Variants in DUSP10 observed in about 807,000 individuals in gnomAD.
The protein encoded by DUSP10 is dual specificity phosphatase 10.
DUSP10 carries 14 observed loss-of-function variants against 30.8 expected under a neutral mutation model. That is an observed-to-expected ratio of 0.46 (90% CI 0.30 to 0.71). The LOEUF (loss-of-function observed/expected upper bound fraction) is 0.71. DUSP10 is among the 30% of genes least tolerant of loss of function. DUSP10 has a pLI of 0.08. For missense variants in DUSP10, 550 were observed against 619.4 expected (o/e 0.89, Z 1.19); for synonymous variants, 254 against 250.4 (o/e 1.01, Z -0.14).
chr1:221,734,474 C>T (rs11118841), intron 2 of DUSP10, among the ~76,000 whole-genome samples: 10,441 of 152,246 alleles, frequency 0.069, 816 homozygotes, highest in African/African-American at 0.19. Context: ...ACTATCATTT[C>T]CTTTCAATCA....
At chr1:221,711,267 G>A (rs1480666655) in intron 2 of DUSP10, among the ~76,000 whole-genome samples, 1 of 152,156 alleles carries the variant, frequency 6.6e-6, no homozygotes, top group African/African-American at 2.4e-5. Flanking sequence ...CAATGCGCTG[G>A]GTTGTGAGTT....
chr1:221,714,471 A>G (rs1661036126), intron 2 of DUSP10, among the ~76,000 whole-genome samples: 1 of 152,120 alleles, frequency 6.6e-6, no homozygotes, highest in East Asian at 1.9e-4. Context: ...TCTGCCGGCC[A>G]CGTGTACAGT....
chr1:221,739,336 C>G lies in DUSP10; in HGVS notation c.409G>C (p.Val137Leu), dbSNP rs368228739. ...LSPSSGVGSP[V>L]SGTPKQLASI... The stretch of plus-strand genomic sequence containing the variant: ...GCTAGCTGCTTGGGGGTCCCTGACA[C>G]AGGGCTGCCCACCCCACTTGATGGA... Residue 137 changes from valine to leucine, a missense_variant, in exon 2 of 4, where the codon GTG (valine) becomes CTG (leucine). By Grantham distance (32) the Val-to-Leu change is conservative. Transcript: ENST00000366899. 5 of 1,613,918 alleles carry G rather than the reference C, an allele frequency of 3.1e-6. No individual in the cohort carries two copies. Among genetic ancestry groups the G allele is most frequent in the South Asian group, 1.1e-5 (1 of 91,078 alleles).
At chr1:221,720,761 C>T (rs114429762) in intron 2 of DUSP10, among the ~76,000 whole-genome samples, 179 of 152,300 alleles carry the variant, frequency 1.2e-3, no homozygotes, top group African/African-American at 3.8e-3. Flanking sequence ...ATGATTCAGA[C>T]CTCAGACCAG....
At chr1:221,728,951 C>A (rs748002935) in intron 2 of DUSP10, among the ~76,000 whole-genome samples, 1 of 152,152 alleles carries the variant, frequency 6.6e-6, no homozygotes, top group Non-Finnish European at 1.5e-5. Context: ...ATATCAAAAG[C>A]AAACTGAGCA....
At chr1:221,734,872 C>T (rs1004997271) in intron 2 of DUSP10, among the ~76,000 whole-genome samples, 2 of 152,148 alleles carry the variant, frequency 1.3e-5, no homozygotes, top group Non-Finnish European at 2.9e-5. Context: ...ATCCTCATAA[C>T]ATCTCTGAGA....
chr1:221,736,424 G>T (rs78430180), intron 2 of DUSP10, among the ~76,000 whole-genome samples: 17 of 152,258 alleles, frequency 1.1e-4, no homozygotes, highest in Middle Eastern at 6.8e-3. Flanking sequence ...CTTCCGAAAT[G>T]GTACCACTAC....
intron 2 of DUSP10, among the ~76,000 whole-genome samples, chr1:221,723,942 T>A (rs1242208382): frequency 2.6e-5 from 4 of 152,258 alleles, no homozygotes; most frequent in Admixed American, 2.6e-4. Context: ...TACAAAGCCC[T>A]GACCTTCTAA....
intron 1 of DUSP10, among the ~76,000 whole-genome samples, chr1:221,741,474 G>A (rs1245981044): frequency 1.3e-5 from 2 of 152,000 alleles, no homozygotes; most frequent in Admixed American, 6.5e-5. Context: ...AGGGTCGGGC[G>A]TACATACTGC....
intron 1 of DUSP10, among the ~76,000 whole-genome samples, chr1:221,740,802 T>C (rs1661931495): frequency 1.3e-5 from 2 of 152,210 alleles, no homozygotes; most frequent in African/African-American, 4.8e-5. Context: ...CAGTGAATTG[T>C]TGCCCACCGG....
chr1:221,712,007 C>A (rs192158236), intron 2 of DUSP10, among the ~76,000 whole-genome samples: 25 of 152,280 alleles, frequency 1.6e-4, no homozygotes, highest in African/African-American at 5.1e-4. Flanking sequence ...CAGAATATCA[C>A]CTATCTTAAC....
chr1:221,705,373 T>C (rs1660724865), intron 3 of DUSP10, among the ~76,000 whole-genome samples: 1 of 152,002 alleles, frequency 6.6e-6, no homozygotes. Flanking sequence ...GGCCTCCCAA[T>C]GTGCTGGGAT....
chr1:221,710,951 TG>T (rs377324230), intron 2 of DUSP10, among the ~76,000 whole-genome samples: 1 of 150,346 alleles, frequency 6.7e-6, no homozygotes, highest in Non-Finnish European at 1.5e-5. Context: ...CAAGGCGGGG[TG>T]GGGGGGCAGC....
At chr1:221,716,873 C>T (rs1661121846) in intron 2 of DUSP10, among the ~76,000 whole-genome samples, 1 of 152,216 alleles carries the variant, frequency 6.6e-6, no homozygotes, top group African/African-American at 2.4e-5. Flanking sequence ...GATTTGTTAA[C>T]AGACATGCCA....
intron 2 of DUSP10, among the ~76,000 whole-genome samples, chr1:221,716,892 A>C (rs1002578424): frequency 6.6e-6 from 1 of 152,218 alleles, no homozygotes; most frequent in African/African-American, 2.4e-5. Flanking sequence ...CAGTTACATT[A>C]ACACATTTTT....
chr1:221,728,227 T>C (rs1358465273), intron 2 of DUSP10, among the ~76,000 whole-genome samples: 1 of 152,194 alleles, frequency 6.6e-6, no homozygotes, highest in Non-Finnish European at 1.5e-5. Flanking sequence ...TCTTTGTAAA[T>C]TACTCAATCT....
intron 2 of DUSP10, among the ~76,000 whole-genome samples, chr1:221,730,095 CA>C (rs1205392586): frequency 6.6e-6 from 1 of 151,852 alleles, no homozygotes; most frequent in East Asian, 1.9e-4. Flanking sequence ...TTTCTCCTTT[CA>C]ATTTGTTTTT....
intron 2 of DUSP10, chr1:221,736,721 T>C (rs1471442927): frequency 3.5e-6 from 3 of 851,892 alleles, no homozygotes; most frequent in African/African-American, 3.7e-5. Flanking sequence ...TCCCAAAAGA[T>C]ACCAAAATGA....
intron 2 of DUSP10, among the ~76,000 whole-genome samples, chr1:221,736,429 C>T (rs536199525): frequency 2.0e-4 from 31 of 152,276 alleles, no homozygotes; most frequent in South Asian, 1.9e-3. Flanking sequence ...GAAATGGTAC[C>T]ACTACCACTC....
Sources: gnomAD v4.1 joint callset for allele counts (sites outside exome capture counted in the v4.1 genomes callset) on GRCh38, gnomAD v4.1.1 for gene constraint, MANE v1.5 for transcripts, NCBI Gene and HGNC (gene_info 2026-07-23, HGNC 2026-07-21) for gene names.